LRRC4C: variants seen among roughly 807,000 people sequenced by gnomAD.
LRRC4C encodes leucine-rich repeat-containing protein 4C.
A neutral mutation model predicts 33.6 loss-of-function variants in LRRC4C; 5 were observed. That is an observed-to-expected ratio of 0.15 (90% CI 0.08 to 0.31). The LOEUF is 0.31. Ranked by LOEUF, LRRC4C falls within the 10% of genes least tolerant of loss-of-function variation. The pLI is 1.00. For missense variants in LRRC4C, 560 were observed against 796.7 expected, an observed-to-expected ratio of 0.70 and a Z score of 3.58; for synonymous variants, 329 against 302.0, an observed-to-expected ratio of 1.09 and a Z score of -0.93.
intron 2 of LRRC4C, among the ~76,000 whole-genome samples, chr11:40,680,492 C>T (rs1264181558): frequency 4.6e-5 from 7 of 152,098 alleles, no homozygotes; most frequent in Admixed American, 3.9e-4. Flanking sequence ...ACCTGTTGTT[C>T]GAGGGACCCA....
intron 5 of LRRC4C, among the ~76,000 whole-genome samples, chr11:40,191,148 G>A (rs183331092): frequency 1.9e-3 from 289 of 152,206 alleles, no homozygotes; most frequent in Non-Finnish European, 3.1e-3. Context: ...CAGGAAAATG[G>A]CCCCATGTGA....
chr11:41,096,550 C>T (rs1240305150), intron 1 of LRRC4C, among the ~76,000 whole-genome samples: 1 of 152,110 alleles, frequency 6.6e-6, no homozygotes. Context: ...ATCTCATTGG[C>T]AGCAATTGAG....
chr11:41,279,419 CACA>C (rs1565542333), intron 1 of LRRC4C, among the ~76,000 whole-genome samples: 7 of 145,980 alleles, frequency 4.8e-5, no homozygotes, highest in Admixed American at 4.2e-4. Flanking sequence ...CACACACACA[CACA>C]CACACACCGT....
At chr11:40,128,265 T>A (rs7937443) in intron 6 of LRRC4C, among the ~76,000 whole-genome samples, 20,110 of 152,228 alleles carry the variant, frequency 0.13, 1,521 homozygotes, top group Middle Eastern at 0.17. Context: ...TAAAAGCCGC[T>A]ACCATGTGAC....
chr11:41,159,032 C>A (rs576569441), intron 1 of LRRC4C, among the ~76,000 whole-genome samples: 22 of 152,264 alleles, frequency 1.4e-4, no homozygotes, highest in African/African-American at 5.1e-4. Context: ...TGCCTGTAAT[C>A]CCAGTACTTT....
At chr11:41,239,015 T>C (rs959986925) in intron 1 of LRRC4C, among the ~76,000 whole-genome samples, 2 of 151,828 alleles carry the variant, frequency 1.3e-5, no homozygotes, top group African/African-American at 4.8e-5. Flanking sequence ...GATTCTTTGT[T>C]AAACTCCTCC....
chr11:41,173,904 T>C (rs1231643479), intron 1 of LRRC4C, among the ~76,000 whole-genome samples: 1 of 152,166 alleles, frequency 6.6e-6, no homozygotes, highest in Non-Finnish European at 1.5e-5. Flanking sequence ...TAACAAGATA[T>C]TTATTATCAG....
intron 2 of LRRC4C, among the ~76,000 whole-genome samples, chr11:40,817,034 T>C (rs757211771): frequency 1.6e-4 from 25 of 152,120 alleles, no homozygotes; most frequent in Non-Finnish European, 2.6e-4. Context: ...ATAGTTAGCT[T>C]AATCTGAAAC....
At chr11:40,931,953 A>C (rs969214653) in intron 2 of LRRC4C, among the ~76,000 whole-genome samples, 3 of 152,164 alleles carry the variant, frequency 2.0e-5, no homozygotes, top group Admixed American at 1.3e-4. Context: ...CATTAATAAA[A>C]AGTTGAGAAA....
chr11:41,031,671 A>G (rs551030770), intron 1 of LRRC4C, among the ~76,000 whole-genome samples: 18 of 152,142 alleles, frequency 1.2e-4, no homozygotes, highest in African/African-American at 4.3e-4. Context: ...GACATGCTGG[A>G]TGCTTACTAA....
chr11:40,410,406 C>G (rs1327712839), intron 3 of LRRC4C, among the ~76,000 whole-genome samples: 1 of 152,018 alleles, frequency 6.6e-6, no homozygotes, highest in Non-Finnish European at 1.5e-5. Context: ...TTTCACAGCT[C>G]CTGTCAATTT....
intron 2 of LRRC4C, among the ~76,000 whole-genome samples, chr11:40,828,515 TTA>T: frequency 6.6e-6 from 1 of 151,932 alleles, no homozygotes; most frequent in Admixed American, 6.6e-5. Context: ...AGTCTTTGAC[TTA>T]CATGGTTCGC....
chr11:40,546,582 C>T (rs956760594), intron 3 of LRRC4C, among the ~76,000 whole-genome samples: 3 of 151,910 alleles, frequency 2.0e-5, no homozygotes, highest in African/African-American at 7.2e-5. Context: ...ATTTGAATTA[C>T]AGAAAGCTTA....
rs368568403 is a variant in LRRC4C at position 40,458,269 on chromosome 11, AACT to A, written c.-269-138551_-269-138549del. Among the ~76,000 whole-genome samples, 633 of 152,186 alleles carry A rather than the reference AACT, an allele frequency of 4.2e-3. 5 individuals are homozygous for A. The highest frequency in any genetic ancestry group is 0.015 in the African/African-American group (606 of 41,542). ...GCACACACATGTGTATGTAGAAATGAACTACTATCATATATACGTATAATCATA... is the reference window on the plus strand; with the variant it reads ...GCACACACATGTGTATGTAGAAATGAACTATCATATATACGTATAATCATA... On this transcript the variant is annotated intron_variant, in intron 3 of 6. Coordinates refer to ENST00000528697, the MANE Select transcript of LRRC4C (RefSeq NM_001258419.2).
chr11:40,446,178 C>T (rs575183791), intron 3 of LRRC4C: 2 of 152,248 alleles, frequency 1.3e-5, no homozygotes, highest in South Asian at 4.1e-4. Flanking sequence ...ATAATATTGC[C>T]TGCATGTTAA....
At chr11:40,175,813 T>C (rs1249169775) in intron 5 of LRRC4C, among the ~76,000 whole-genome samples, 1 of 152,220 alleles carries the variant, frequency 6.6e-6, no homozygotes, top group Non-Finnish European at 1.5e-5. Context: ...GTTTGACATG[T>C]TCCCATCTTG....
chr11:40,821,090 T>C (rs1437226770), intron 2 of LRRC4C, among the ~76,000 whole-genome samples: 1 of 151,722 alleles, frequency 6.6e-6, no homozygotes, highest in African/African-American at 2.4e-5. Flanking sequence ...AGTAAATAAA[T>C]CTGATGAAGT....
intron 3 of LRRC4C, among the ~76,000 whole-genome samples, chr11:40,591,779 A>G (rs1959070102): frequency 1.3e-5 from 2 of 152,230 alleles, no homozygotes; most frequent in South Asian, 2.1e-4. Flanking sequence ...ACTTAATTTG[A>G]GTTATTTCTT....
chr11:41,114,417 A>G (rs1005826028), intron 1 of LRRC4C, among the ~76,000 whole-genome samples: 10 of 152,090 alleles, frequency 6.6e-5, no homozygotes, highest in South Asian at 4.1e-4. Flanking sequence ...TACTTGATAT[A>G]TAACTAATCT....
Sources: allele counts gnomAD v4.1 joint callset (sites outside exome capture counted in the v4.1 genomes callset), GRCh38; gene constraint gnomAD v4.1.1; transcripts MANE v1.5; gene names NCBI Gene and HGNC (gene_info 2026-07-23, HGNC 2026-07-21).